MTM1: variants seen among roughly 807,000 people sequenced by gnomAD.
MTM1 encodes myotubularin.
In MTM1, 9 loss-of-function variants were observed where a neutral mutation model predicts 52.1. The observed-to-expected ratio is 0.17, with a 90% confidence interval of 0.10 to 0.30. The LOEUF is 0.30. Among genes scored for constraint, MTM1 ranks in the 10% least tolerant of loss-of-function variants. The probability of loss-of-function intolerance (pLI) is 1.00; values close to 1 mark genes in which losing one functional copy is unlikely to be tolerated. For synonymous variants in MTM1, 136 were observed against 163.8 expected, an observed-to-expected ratio of 0.83 and a Z score of 1.29; for missense variants, 277 against 470.7, an observed-to-expected ratio of 0.59 and a Z score of 3.81.
intron 6 of MTM1, among the ~76,000 whole-genome samples, chrX:150,625,029 C>T (rs1306404957): frequency 9.0e-6 from 1 of 111,723 alleles, no homozygotes; most frequent in Non-Finnish European, 1.9e-5. Flanking sequence ...GTGCCAGGCT[C>T]ATAGCAGCCA....
At position 150,598,586 on chromosome X, in the gene MTM1, TA is replaced by T; in HGVS notation, c.137-4del. Reference sequence around the variant, plus strand: ...TTATTTTAGGGTACTTTTTTTATCTTAATAGACAAAGAAGTTATTTACATAT... The same window carrying T: ...TTATTTTAGGGTACTTTTTTTATCTTATAGACAAAGAAGTTATTTACATAT... On this transcript the variant is annotated splice_polypyrimidine_tract_variant and splice_region_variant and intron_variant, in intron 3 of 14. Transcript: ENST00000370396. 3 of 1,133,223 alleles carry T rather than the reference TA, an allele frequency of 2.6e-6. No homozygotes were observed. Among genetic ancestry groups the T allele is most frequent in the Non-Finnish European group, 3.6e-6 (3 of 824,916 alleles). The allele number at this position is 1,133,223 out of a possible 1,213,427, so 93.4% of individuals were successfully genotyped here. A position where few individuals can be genotyped will look rare whatever the true frequency, so the allele number is the denominator to read the frequency against.
At chrX:150,662,916 C>T (rs1456246065) in intron 13 of MTM1, among the ~76,000 whole-genome samples, 2 of 111,406 alleles carry the variant, frequency 1.8e-5, no homozygotes, top group African/African-American at 6.5e-5. Flanking sequence ...GTCAGTTATC[C>T]AGATGTTTTC....
chrX:150,626,416 C>T (rs1332880295), intron 6 of MTM1, among the ~76,000 whole-genome samples: 3 of 111,152 alleles, frequency 2.7e-5, no homozygotes, highest in Admixed American at 9.5e-5. Context: ...CCAGTTGAAG[C>T]GCTTCTCCTG....
In MTM1 at chrX:150,672,040, G is replaced by A. The variant is rs1250641672; in HGVS notation, c.*445G>A. The A allele has an allele frequency of 1.5e-5, 2 of 134,540 alleles. No homozygotes were observed. Among genetic ancestry groups the A allele is most frequent in the South Asian group, 2.1e-4 (1 of 4,748 alleles). The allele number at this position is 134,540 out of a possible 1,213,427, so 11.1% of individuals were successfully genotyped here. On this transcript the variant is annotated 3_prime_UTR_variant, in exon 15 of 15. Coordinates refer to ENST00000370396, the MANE Select transcript of MTM1 (RefSeq NM_000252.3). ...CCAAATGTGAAAGATGCATGTTACT[G>A]CCAAAACCAAATTGAGCTCAGCTTC...
chrX:150,591,157 G>T (rs2038878091), intron 1 of MTM1: 1 of 275,431 alleles, frequency 3.6e-6, no homozygotes, highest in African/African-American at 2.9e-5. Flanking sequence ...GCTACCTGTA[G>T]GTAGTTTCAG....
intron 1 of MTM1, among the ~76,000 whole-genome samples, chrX:150,592,230 A>C (rs2038897551): frequency 8.9e-6 from 1 of 112,113 alleles, no homozygotes; most frequent in African/African-American, 3.2e-5. Context: ...AATTATCTTT[A>C]AAAAATAAGG....
At position 150,671,740 on chromosome X, in the gene MTM1, C is replaced by T. The variant is rs1557415161; in HGVS notation, c.*145C>T. On this transcript the variant is annotated 3_prime_UTR_variant, in exon 15 of 15. Coordinates refer to ENST00000370396, the MANE Select transcript of MTM1 (RefSeq NM_000252.3). ...TCTTAAACTCTTGAATATGTGCCTT[C>T]TAGAATACATATTACAAGAAAACTA... The T allele has an allele frequency of 4.8e-6, 3 of 625,491 alleles. No homozygotes were observed. The highest frequency in any genetic ancestry group is 7.4e-6 in the Non-Finnish European group (3 of 406,657). The allele number at this position is 625,491 out of a possible 1,213,427, so 51.5% of individuals were successfully genotyped here.
chrX:150,653,639 C>T (rs192841378), intron 10 of MTM1, among the ~76,000 whole-genome samples: 3 of 112,101 alleles, frequency 2.7e-5, no homozygotes, highest in Admixed American at 1.9e-4. Context: ...TGTCACCATT[C>T]AATGTATGAA....
At chrX:150,670,456 G>A (rs1286880972) in intron 14 of MTM1, among the ~76,000 whole-genome samples, 4 of 112,426 alleles carry the variant, frequency 3.6e-5, no homozygotes, top group Non-Finnish European at 5.6e-5. Context: ...TACCCAAGGC[G>A]GAGCATTGCA....
chrX:150,584,872 T>TA (rs1387826463), intron 1 of MTM1, among the ~76,000 whole-genome samples: 1 of 111,828 alleles, frequency 8.9e-6, no homozygotes, highest in Non-Finnish European at 1.9e-5. Flanking sequence ...GCTATGTAAA[T>TA]ACAAATAAAA....
At chrX:150,606,614 C>T (rs2039161936) in intron 4 of MTM1, among the ~76,000 whole-genome samples, 1 of 111,433 alleles carries the variant, frequency 9.0e-6, no homozygotes, top group Non-Finnish European at 1.9e-5. Context: ...CCCATTTTTT[C>T]CTCCTTCCCT....
At chrX:150,568,391 C>T (rs781910113), upstream of MTM1, among the ~76,000 whole-genome samples, 5 of 113,472 alleles carry the variant, frequency 4.4e-5, no homozygotes, top group Non-Finnish European at 9.4e-5. Context: ...CAATTCCCAG[C>T]TGCCTCCATG....
chrX:150,577,931 C>T (rs1165148710), intron 1 of MTM1, among the ~76,000 whole-genome samples: 1 of 112,158 alleles, frequency 8.9e-6, no homozygotes, highest in African/African-American at 3.2e-5. Flanking sequence ...GCAGACAGAT[C>T]TTTCCAACCC....
intron 9 of MTM1, among the ~76,000 whole-genome samples, chrX:150,648,106 A>T (rs1557414068): frequency 9.0e-6 from 1 of 111,614 alleles, no homozygotes; most frequent in Non-Finnish European, 1.9e-5. Context: ...TTAGCTAATA[A>T]CTTTTTTAAA....
chrX:150,617,042 G>A (rs891236583), intron 5 of MTM1, among the ~76,000 whole-genome samples: 1 of 112,377 alleles, frequency 8.9e-6, no homozygotes, highest in Non-Finnish European at 1.9e-5. Flanking sequence ...TTCTGTTACA[G>A]ATTTGGTGAT....
chrX:150,619,696 A>G (rs2039445669), intron 6 of MTM1, among the ~76,000 whole-genome samples: 2 of 111,674 alleles, frequency 1.8e-5, no homozygotes, highest in South Asian at 3.7e-4. Flanking sequence ...TTGTAGAACA[A>G]TCTTTCTTTA....
chrX:150,611,218 C>T (rs2039270183), intron 4 of MTM1, among the ~76,000 whole-genome samples: 1 of 112,056 alleles, frequency 8.9e-6, no homozygotes, highest in Non-Finnish European at 1.9e-5. Flanking sequence ...ATTTGAAGAG[C>T]ACAATTACAT....
intron 14 of MTM1, among the ~76,000 whole-genome samples, chrX:150,666,587 A>G (rs2040307677): frequency 8.9e-6 from 1 of 112,145 alleles, no homozygotes; most frequent in African/African-American, 3.2e-5. Flanking sequence ...CTATATAGCA[A>G]GACTTATTTG....
chrX:150,569,355 A>G (rs1353992804), intron 1 of MTM1, among the ~76,000 whole-genome samples: 2 of 113,208 alleles, frequency 1.8e-5, no homozygotes, highest in Non-Finnish European at 3.7e-5. Flanking sequence ...GTGAAAACTA[A>G]TTTTAGTATT....
Sources: gnomAD v4.1 joint callset for allele counts (sites outside exome capture counted in the v4.1 genomes callset) on GRCh38, gnomAD v4.1.1 for gene constraint, MANE v1.5 for transcripts, NCBI Gene and HGNC (gene_info 2026-07-23, HGNC 2026-07-21) for gene names.